Variants in SHB observed in about 807,000 individuals in gnomAD.
SHB encodes the protein SH2 domain-containing adapter protein B.
A neutral mutation model predicts 52.3 loss-of-function variants in SHB; 20 were observed. The ratio of observed to expected loss-of-function variants is 0.38; its 90% CI spans 0.27 to 0.56. The LOEUF (loss-of-function observed/expected upper bound fraction) is 0.56, where lower values mean the gene tolerates loss of function less well. Ranked by LOEUF, SHB falls within the 20% of genes least tolerant of loss-of-function variation. The pLI is 0.71. For synonymous variants in SHB, 397 were observed against 316.5 expected, an observed-to-expected ratio of 1.25 and a Z score of -2.70; for missense variants, 825 against 723.3, an observed-to-expected ratio of 1.14 and a Z score of -1.61.
intron 3 of SHB, among the ~76,000 whole-genome samples, chr9:37,967,321 A>G (rs922589532): frequency 7.2e-5 from 11 of 152,200 alleles, no homozygotes. Context: ...TTTAGGAAAT[A>G]GACATACCTG....
chr9:38,067,729 A>T (rs1436884157), intron 1 of SHB, among the ~76,000 whole-genome samples, 200 bp downstream of exon 1: 1 of 152,106 alleles, frequency 6.6e-6, no homozygotes, highest in Non-Finnish European at 1.5e-5. Context: ...AGCAGCGGCG[A>T]AAGAGGTGGG....
At chr9:37,978,665 A>C (rs1318376782) in intron 2 of SHB, among the ~76,000 whole-genome samples, 2 of 151,704 alleles carry the variant, frequency 1.3e-5, no homozygotes, top group African/African-American at 4.8e-5. Context: ...GCATTGGTAA[A>C]TACTGACATC....
chr9:38,050,071 G>T (rs566315052), intron 1 of SHB, among the ~76,000 whole-genome samples: 1 of 152,178 alleles, frequency 6.6e-6, no homozygotes, highest in Non-Finnish European at 1.5e-5. Flanking sequence ...GATTACAGGC[G>T]TAAGCCACTG....
chr9:38,037,766 G>T (rs1427793407), intron 1 of SHB, among the ~76,000 whole-genome samples: 1 of 152,126 alleles, frequency 6.6e-6, no homozygotes, highest in Non-Finnish European at 1.5e-5. Flanking sequence ...AGCCTCCCTG[G>T]GCTGACCTTG....
chr9:37,962,655 T>C (rs1832706472), intron 3 of SHB, among the ~76,000 whole-genome samples: 1 of 151,834 alleles, frequency 6.6e-6, no homozygotes, highest in Non-Finnish European at 1.5e-5. Context: ...TACAGGTGCA[T>C]GCTACCATGC....
rs1822012779 is a variant in SHB at position 38,068,700 on chromosome 9, T to C, written c.-55A>G. On this transcript the variant is annotated 5_prime_UTR_variant, in exon 1 of 6. The change abolishes an upstream ATG in the 5' untranslated region. Coordinates refer to ENST00000377707, the MANE Select transcript of SHB (RefSeq NM_003028.3). ...GGAGCCCGGTCCGCCGCCGCGGCCA[T>C]TCGGGGGGCAGCGCTGCGGCGCAGG... The C allele has an allele frequency of 8.2e-7, 1 of 1,219,540 alleles. No homozygotes were observed. Among genetic ancestry groups the C allele is most frequent in the Non-Finnish European group, 1.0e-6 (1 of 976,580 alleles). 75.5% of individuals were successfully genotyped at this position (1,219,540 alleles called of 1,614,324 possible). A position where few individuals can be genotyped will look rare whatever the true frequency, so the allele number is the denominator to read the frequency against.
At chr9:38,036,623 G>A (rs1330289322) in intron 1 of SHB, among the ~76,000 whole-genome samples, 23 of 152,182 alleles carry the variant, frequency 1.5e-4, no homozygotes, top group South Asian at 2.1e-4. Context: ...GGCATCCCCC[G>A]CCTAGCAGGA....
chr9:38,041,853 G>A (rs1488343965), intron 1 of SHB, among the ~76,000 whole-genome samples: 1 of 152,204 alleles, frequency 6.6e-6, no homozygotes, highest in East Asian at 1.9e-4. Context: ...CCAAAACGCA[G>A]CCGAAGTCGG....
At chr9:37,964,852 C>T (rs930667205) in intron 3 of SHB, among the ~76,000 whole-genome samples, 1 of 152,214 alleles carries the variant, frequency 6.6e-6, no homozygotes, top group Non-Finnish European at 1.5e-5. Context: ...ATCCCGCCAA[C>T]AAGTGACAGC....
intron 1 of SHB, among the ~76,000 whole-genome samples, chr9:38,024,204 AAC>A: frequency 6.6e-6 from 1 of 152,316 alleles, no homozygotes; most frequent in Non-Finnish European, 1.5e-5. Context: ...ATGATGTGGC[AAC>A]ACAGTCCTCT....
chr9:38,025,244 C>T (rs1057172620), intron 1 of SHB, among the ~76,000 whole-genome samples: 4 of 152,314 alleles, frequency 2.6e-5, no homozygotes, highest in South Asian at 4.1e-4. Flanking sequence ...AGGCTGGGTC[C>T]CCATGGAGCC....
chr9:38,058,656 C>T (rs949988341), intron 1 of SHB, among the ~76,000 whole-genome samples: 3 of 152,170 alleles, frequency 2.0e-5, no homozygotes, highest in African/African-American at 7.2e-5. Flanking sequence ...CTCTTCAATG[C>T]TTGTGAGTTC....
intron 5 of SHB, among the ~76,000 whole-genome samples, chr9:37,945,308 G>A (rs1163685071): frequency 6.6e-6 from 1 of 152,206 alleles, no homozygotes; most frequent in Admixed American, 6.5e-5. Flanking sequence ...TGGCAAAGAT[G>A]GTGCTTGCTC....
At chr9:37,944,068 G>A (rs983887364) in intron 5 of SHB, among the ~76,000 whole-genome samples, 2 of 152,216 alleles carry the variant, frequency 1.3e-5, no homozygotes, top group Admixed American at 1.3e-4. Context: ...GCCAGTGGTG[G>A]GTGCCAGGTC....
At chr9:38,034,315 A>C (rs1821454754) in intron 1 of SHB, among the ~76,000 whole-genome samples, 1 of 152,242 alleles carries the variant, frequency 6.6e-6, no homozygotes, top group African/African-American at 2.4e-5. Flanking sequence ...GGTCTAACAC[A>C]GCTTCCCACA....
At chr9:38,008,210 C>A (rs1044417544) in intron 2 of SHB, among the ~76,000 whole-genome samples, 1 of 152,084 alleles carries the variant, frequency 6.6e-6, no homozygotes, top group African/African-American at 2.4e-5. Flanking sequence ...TGAACGTGCT[C>A]AGTGTCAGGG....
In SHB at chr9:37,965,591, T is replaced by TTC. The variant is rs1227409045; in HGVS notation, c.1054+9030_1054+9031insGA. Among the ~76,000 whole-genome samples the TTC allele has an allele frequency of 7.3e-5, 11 of 151,658 alleles. No individual in the cohort carries two copies. In the South Asian group the frequency reaches 2.1e-3, roughly 29 times the overall value. On this transcript the variant is annotated intron_variant, in intron 3 of 5. Coordinates refer to ENST00000377707, the MANE Select transcript of SHB (RefSeq NM_003028.3). ...ACTCAAATATCTTTTTTTTTTTTTT[T>TTC]CTCGAGACGGAGTCTCACTCTGTTG...
intron 1 of SHB, among the ~76,000 whole-genome samples, chr9:38,042,408 T>C (rs949174323): frequency 1.3e-5 from 2 of 152,102 alleles, no homozygotes; most frequent in African/African-American, 4.8e-5. Flanking sequence ...GGGTCCAGAG[T>C]GGGGAGGCCC....
At chr9:37,983,445 C>T (rs2244712) in intron 2 of SHB, among the ~76,000 whole-genome samples, 86,306 of 151,470 alleles carry the variant, frequency 0.57, 24,925 homozygotes, top group East Asian at 0.75. Context: ...CATGGCAGCA[C>T]CCCCAGGAGT....
Sources: allele counts gnomAD v4.1 joint callset (sites outside exome capture counted in the v4.1 genomes callset), GRCh38; gene constraint gnomAD v4.1.1; transcripts MANE v1.5; gene names NCBI Gene and HGNC (gene_info 2026-07-23, HGNC 2026-07-21).